The following PPEF1 variants were observed in gnomAD, a reference collection of about 807,000 sequenced individuals.
The protein encoded by PPEF1 is serine/threonine-protein phosphatase with EF-hands 1.
PPEF1 carries 12 observed loss-of-function variants against 53.3 expected under a neutral mutation model. The observed-to-expected ratio is 0.23, with a 90% CI of 0.14 to 0.36. The LOEUF (loss-of-function observed/expected upper bound fraction) is 0.36, where lower values mean the gene tolerates loss of function less well. PPEF1 is among the 10% of genes least tolerant of loss of function. The probability of loss-of-function intolerance (pLI) is 1.00; values close to 1 mark genes in which losing one functional copy is unlikely to be tolerated. For missense variants in PPEF1, 334 were observed against 490.4 expected (o/e 0.68, Z 3.01); for synonymous variants, 165 against 176.7 (o/e 0.93, Z 0.52).
chrX:18,725,728 T>C (rs1290160788), intron 1 of PPEF1, among the ~76,000 whole-genome samples: 1 of 111,586 alleles, frequency 9.0e-6, no homozygotes, highest in Non-Finnish European at 1.9e-5. Context: ...TACAGGCGTA[T>C]GAGCATAGGC....
At chrX:18,781,966 T>C (rs192807410) in intron 7 of PPEF1, among the ~76,000 whole-genome samples, 152 of 111,245 alleles carry the variant, frequency 1.4e-3, no homozygotes, top group African/African-American at 4.9e-3. Context: ...TTCCAATCAT[T>C]TACTGTATAG....
chrX:18,785,304 G>C (rs2046177041), intron 9 of PPEF1, among the ~76,000 whole-genome samples: 1 of 111,751 alleles, frequency 8.9e-6, no homozygotes, highest in African/African-American at 3.3e-5. Context: ...GGTACTGTTT[G>C]TTTACTATCT....
chrX:18,777,624 A>G (rs1010667942), intron 6 of PPEF1, among the ~76,000 whole-genome samples: 4 of 110,070 alleles, frequency 3.6e-5, no homozygotes, highest in African/African-American at 1.3e-4. Flanking sequence ...GACTCACTCC[A>G]TTCTCCTGCC....
intron 1 of PPEF1, among the ~76,000 whole-genome samples, chrX:18,719,593 C>T (rs1433324320): frequency 2.7e-5 from 3 of 110,348 alleles, no homozygotes; most frequent in Non-Finnish European, 3.8e-5. Flanking sequence ...GAGATCTGCC[C>T]GCCTCGGCCT....
In PPEF1 at chrX:18,707,772, A is replaced by G; in HGVS notation, c.-9A>G. On this transcript the variant is annotated 5_prime_UTR_variant, in exon 1 of 16. Coordinates refer to ENST00000470157, the MANE Select transcript of PPEF1 (RefSeq NM_001377996.1). ...GAATTCATGAACACATATGATTTAGATAGAAGTCATGGGATGCAGCAGTTC... is the reference window on the plus strand; with the variant it reads ...GAATTCATGAACACATATGATTTAGGTAGAAGTCATGGGATGCAGCAGTTC... 1 of 1,206,020 alleles carries G rather than the reference A, an allele frequency of 8.3e-7. No homozygotes were observed. The highest frequency in any genetic ancestry group is 1.8e-5 in the South Asian group (1 of 56,813).
chrX:18,675,470 C>G (rs745569374), upstream of PPEF1, among the ~76,000 whole-genome samples: 2 of 113,448 alleles, frequency 1.8e-5, no homozygotes, highest in Non-Finnish European at 3.8e-5. Flanking sequence ...GTTAGCGGGC[C>G]CTTTGCCCGA....
At chrX:18,750,510 A>G (rs778137209) in intron 4 of PPEF1, among the ~76,000 whole-genome samples, 1 of 112,160 alleles carries the variant, frequency 8.9e-6, no homozygotes, top group South Asian at 3.7e-4. Flanking sequence ...ATGGCTGATA[A>G]TATTCCATTG....
chrX:18,720,356 C>T (rs958653048), intron 1 of PPEF1, among the ~76,000 whole-genome samples: 4 of 111,800 alleles, frequency 3.6e-5, no homozygotes, highest in Non-Finnish European at 5.6e-5. Context: ...CTTTGGGAAG[C>T]TGAGGCGGGC....
intron 12 of PPEF1, among the ~76,000 whole-genome samples, chrX:18,807,335 A>AT (rs751862681): frequency 7.2e-4 from 80 of 111,888 alleles, no homozygotes; most frequent in African/African-American, 2.5e-3. Flanking sequence ...CCGGTCTAAG[A>AT]TTTTTTACAT....
chrX:18,711,998 C>T (rs1001187498), intron 1 of PPEF1, among the ~76,000 whole-genome samples: 12 of 111,652 alleles, frequency 1.1e-4, no homozygotes, highest in East Asian at 2.8e-4. Flanking sequence ...GTGATCCGCC[C>T]GCCTTGGCCT....
chrX:18,764,497 G>T (rs2045728247), intron 6 of PPEF1, among the ~76,000 whole-genome samples: 2 of 111,492 alleles, frequency 1.8e-5, no homozygotes, highest in African/African-American at 6.5e-5. Flanking sequence ...GCCTATGGAG[G>T]AGAGAAGCCT....
chrX:18,697,359 C>G (rs1451602416), intron 4 of PPEF1, among the ~76,000 whole-genome samples: 1 of 111,400 alleles, frequency 9.0e-6, no homozygotes, highest in African/African-American at 3.3e-5. Flanking sequence ...TATGTAATTG[C>G]AGCATTATCA....
At chrX:18,688,848 G>T (rs1929205382) in intron 3 of PPEF1, 1 of 111,417 alleles carries the variant, frequency 9.0e-6, no homozygotes, top group Non-Finnish European at 1.9e-5. Flanking sequence ...GTGGCTTCCG[G>T]GTTATAGGTA....
At chrX:18,801,815 T>G (rs992496796) in intron 10 of PPEF1, among the ~76,000 whole-genome samples, 4 of 109,392 alleles carry the variant, frequency 3.7e-5, no homozygotes, top group African/African-American at 1.0e-4. Context: ...AAACCCTGTC[T>G]CTACCAAAAA....
At chrX:18,703,126 C>T (rs2044120536), upstream of PPEF1, among the ~76,000 whole-genome samples, 1 of 110,721 alleles carries the variant, frequency 9.0e-6, no homozygotes, top group African/African-American at 3.3e-5. Flanking sequence ...AAGGCTCACG[C>T]ACTGCTTACA....
At chrX:18,693,790 A>G (rs1929552512) in intron 4 of PPEF1, among the ~76,000 whole-genome samples, 1 of 110,143 alleles carries the variant, frequency 9.1e-6, no homozygotes, top group East Asian at 2.9e-4. Flanking sequence ...CTGCTCTTGA[A>G]CTCCTGACCT....
At chrX:18,760,777 A>T (rs1602422599) in intron 5 of PPEF1, among the ~76,000 whole-genome samples, 3 of 74,061 alleles carry the variant, frequency 4.1e-5, no homozygotes, top group East Asian at 3.9e-4. Flanking sequence ...AAACCTGGCA[A>T]TTTTTTTTTT....
At chrX:18,758,487 T>C (rs1411685269) in intron 5 of PPEF1, among the ~76,000 whole-genome samples, 1 of 111,941 alleles carries the variant, frequency 8.9e-6, no homozygotes, top group Non-Finnish European at 1.9e-5. Flanking sequence ...AATTTGACAA[T>C]CTAATTAAAC....
chrX:18,676,724 C>T, intron 1 of PPEF1, among the ~76,000 whole-genome samples: 1 of 112,129 alleles, frequency 8.9e-6, no homozygotes, highest in Non-Finnish European at 1.9e-5. Context: ...AAGTTACACC[C>T]ACTGGTTGTG....
Sources: allele counts gnomAD v4.1 joint callset (sites outside exome capture counted in the v4.1 genomes callset), GRCh38; gene constraint gnomAD v4.1.1; transcripts MANE v1.5; gene names NCBI Gene and HGNC (gene_info 2026-07-23, HGNC 2026-07-21).